The following ZNF100 variants were observed in gnomAD, a reference collection of about 807,000 sequenced individuals.
ZNF100 encodes zinc finger protein 100 (Y1).
In ZNF100, 12 loss-of-function variants were observed where a neutral mutation model predicts 15.8. The ratio of observed to expected loss-of-function variants is 0.76; its 90% CI spans 0.49 to 1.23. ZNF100 has a LOEUF of 1.23. Ranked by LOEUF, ZNF100 falls within the 50% of genes most tolerant of loss-of-function variation. The pLI is 0.00. For synonymous variants in ZNF100, 226 were observed against 214.8 expected (o/e 1.05, Z -0.45); for missense variants, 670 against 635.6 (o/e 1.05, Z -0.58).
At chr19:21,738,262 A>C (rs1364670609) in intron 4 of ZNF100, among the ~76,000 whole-genome samples, 3 of 20,866 alleles carry the variant, frequency 1.4e-4, no homozygotes, top group Non-Finnish European at 3.4e-4. Flanking sequence ...AAAAAAAAAA[A>C]AAAAAAAAAA....
chr19:21,758,389 T>C (rs965049070), intron 2 of ZNF100, among the ~76,000 whole-genome samples: 26 of 152,260 alleles, frequency 1.7e-4, no homozygotes, highest in African/African-American at 6.3e-4. Flanking sequence ...ATTTTACCCA[T>C]ATAACAACCC....
intron 4 of ZNF100, among the ~76,000 whole-genome samples, chr19:21,733,361 T>G (rs1293329581): frequency 2.0e-5 from 3 of 148,020 alleles, no homozygotes; most frequent in Admixed American, 6.7e-5. Context: ...GAAGGTGTGA[T>G]GAGATTAAAA....
chr19:21,755,611 T>C (rs2145736561), intron 2 of ZNF100, among the ~76,000 whole-genome samples: 1 of 152,314 alleles, frequency 6.6e-6, no homozygotes, highest in Admixed American at 6.5e-5. Context: ...TAAACCATTC[T>C]ACTATAAAGA....
intron 1 of ZNF100, among the ~76,000 whole-genome samples, chr19:21,767,050 G>C (rs2036575412): frequency 6.6e-6 from 1 of 152,184 alleles, no homozygotes; most frequent in Non-Finnish European, 1.5e-5. Flanking sequence ...TTTAATAGGA[G>C]AAAAGAGGAA....
At chr19:21,731,279 C>G (rs1456762418) in intron 4 of ZNF100, among the ~76,000 whole-genome samples, 2 of 123,772 alleles carry the variant, frequency 1.6e-5, no homozygotes, top group East Asian at 4.5e-4. Context: ...AATAGCAATG[C>G]AAGTTTCTTT....
chr19:21,746,187 T>C (rs1051955606), intron 2 of ZNF100, among the ~76,000 whole-genome samples: 3 of 152,220 alleles, frequency 2.0e-5, no homozygotes, highest in Non-Finnish European at 4.4e-5. Flanking sequence ...TAGAAGAACA[T>C]AGCATCATTG....
chr19:21,749,413 G>C (rs2036266245), intron 2 of ZNF100, among the ~76,000 whole-genome samples: 1 of 151,924 alleles, frequency 6.6e-6, no homozygotes, highest in Non-Finnish European at 1.5e-5. Context: ...ACATCTAGGT[G>C]ATTGTGAGAA....
In ZNF100 at chr19:21,730,445, A is replaced by AGAGTGTGTGTGTGTGTGT. The variant is rs71178761; in HGVS notation, c.323-2457_323-2456insACACACACACACACACTC. 8.1e-5 allele frequency among the ~76,000 whole-genome samples: 12 copies of AGAGTGTGTGTGTGTGTGT among 147,718 alleles called. No homozygotes were observed. In the South Asian group the frequency reaches 2.0e-3, roughly 24 times the overall value. ...AATAGATTCATTTACTGATAACCTA[A>AGAGTGTGTGTGTGTGTGT]GTGTGTGTGTGTGTGTGTGTGTGTG... On this transcript the variant is annotated intron_variant, in intron 4 of 4. Transcript: ENST00000358296.
intron 2 of ZNF100, chr19:21,750,793 G>A (rs1050961678): frequency 7.5e-6 from 3 of 398,448 alleles, no homozygotes; most frequent in Admixed American, 4.1e-5. Context: ...TGAGGGCGGC[G>A]AGTAGGGGGC....
Position 21,739,944 on chromosome 19 carries a change from A to G in ZNF100, c.322+4073T>C, listed in dbSNP as rs1447681765. ...ACCTACAGAGGTGAACAAATTCAGT[A>G]CAATCTCTATAAAAATCTCAATAGC... On this transcript the variant is annotated intron_variant, in intron 4 of 4. Transcript: ENST00000358296. 3.3e-5 allele frequency among the ~76,000 whole-genome samples: 5 copies of G among 152,324 alleles called. No individual in the cohort carries two copies. In the East Asian group the frequency reaches 9.6e-4, roughly 29 times the overall value.
intron 4 of ZNF100, 63 bp downstream of exon 4, chr19:21,743,954 C>T: frequency 6.7e-7 from 1 of 1,488,848 alleles, no homozygotes; most frequent in African/African-American, 1.4e-5. Flanking sequence ...TTTTAATGAC[C>T]AGCTTTCTTT....
intron 4 of ZNF100, among the ~76,000 whole-genome samples, chr19:21,739,616 C>G (rs557057383): frequency 6.6e-6 from 1 of 152,166 alleles, no homozygotes; most frequent in Admixed American, 6.5e-5. Context: ...GGTATCTGAC[C>G]AAAACTGAAT....
intron 2 of ZNF100, chr19:21,751,740 C>G: frequency 7.7e-7 from 1 of 1,295,244 alleles, no homozygotes; most frequent in Non-Finnish European, 1.1e-6. Context: ...GACCATCGCT[C>G]CTTAGCAGAT....
Position 21,724,354 on chromosome 19 carries a change from TTAGAC to T in ZNF100, c.*2324_*2328del, listed in dbSNP as rs1196292107. ...ATTTTCTTACACTTAAGGTTTATCTTTAGACTAACATATATTTAACTATATGTAAA... is the reference window on the plus strand; with the variant it reads ...ATTTTCTTACACTTAAGGTTTATCTTTAACATATATTTAACTATATGTAAA... On this transcript the variant is annotated 3_prime_UTR_variant, in exon 5 of 5. Coordinates refer to ENST00000358296, the MANE Select transcript of ZNF100 (RefSeq NM_173531.4). 1 of 152,188 alleles carries T rather than the reference TTAGAC, an allele frequency of 6.6e-6. No individual in the cohort carries two copies. The highest frequency in any genetic ancestry group is 6.5e-5 in the Admixed American group (1 of 15,276). The allele number at this position is 152,188 out of a possible 1,614,324, so 9.4% of individuals were successfully genotyped here. A position where few individuals can be genotyped will look rare whatever the true frequency, so the allele number is the denominator to read the frequency against.
intron 4 of ZNF100, among the ~76,000 whole-genome samples, chr19:21,737,593 T>G (rs2145703226): frequency 6.8e-6 from 1 of 147,420 alleles, no homozygotes; most frequent in Non-Finnish European, 1.5e-5. Context: ...GAAAATACTA[T>G]AAACACCACT....
intron 4 of ZNF100, among the ~76,000 whole-genome samples, chr19:21,740,414 T>C (rs868078588): frequency 1.3e-5 from 2 of 152,060 alleles, no homozygotes; most frequent in African/African-American, 2.4e-5. Flanking sequence ...AGATACAACA[T>C]TAAATGCATG....
rs191502127 is a variant in ZNF100, at chr19:21,759,564, G to C, written c.96+6130C>G. Among the ~76,000 whole-genome samples the C allele has an allele frequency of 2.3e-3, 343 of 152,256 alleles. 1 individual carries two copies. The highest frequency in any genetic ancestry group is 8.0e-3 in the African/African-American group (332 of 41,552). On this transcript the variant is annotated intron_variant, in intron 2 of 4. Transcript: ENST00000358296. ...ATTCCCAGATGGTTAGGCATTCTAA[G>C]TCACAAGATGAGACTGGAGGTCAGC...
chr19:21,759,890 A>C (rs1291595881), intron 2 of ZNF100, among the ~76,000 whole-genome samples: 2 of 152,226 alleles, frequency 1.3e-5, no homozygotes, highest in Non-Finnish European at 2.9e-5. Context: ...CACTTTCTTA[A>C]TAAATGTACA....
chr19:21,742,330 G>C (rs2036126103), intron 4 of ZNF100, among the ~76,000 whole-genome samples: 1 of 146,310 alleles, frequency 6.8e-6, no homozygotes, highest in South Asian at 2.2e-4. Flanking sequence ...ATTTAAGATG[G>C]TAAATTTTAT....
Sources: allele counts gnomAD v4.1 joint callset (sites outside exome capture counted in the v4.1 genomes callset), GRCh38; gene constraint gnomAD v4.1.1; transcripts MANE v1.5; gene names NCBI Gene and HGNC (gene_info 2026-07-23, HGNC 2026-07-21).